The following WDR47 variants were observed in gnomAD, a reference collection of about 807,000 sequenced individuals.
The protein encoded by WDR47 is WD repeat-containing protein 47.
Under a neutral mutation model 97.2 loss-of-function variants are expected in WDR47, and 32 were observed. The observed-to-expected ratio is 0.33, with a 90% CI of 0.25 to 0.44. The LOEUF (loss-of-function observed/expected upper bound fraction) is 0.44, where lower values mean the gene tolerates loss of function less well. WDR47 is among the 20% of genes least tolerant of loss of function. WDR47 has a pLI of 1.00. For synonymous variants in WDR47, 375 were observed against 373.5 expected, an observed-to-expected ratio of 1.00 and a Z score of -0.05; for missense variants, 782 against 1,102.3, an observed-to-expected ratio of 0.71 and a Z score of 4.11.
chr1:108,983,223 G>A (rs923719620), intron 11 of WDR47, 59 bp downstream of exon 11: 1 of 1,412,200 alleles, frequency 7.1e-7, no homozygotes, highest in Non-Finnish European at 9.4e-7. Context: ...AATACAACAT[G>A]GAGAAAACAT....
chr1:108,989,653 G>A (rs1331282698), intron 9 of WDR47, among the ~76,000 whole-genome samples: 2 of 152,182 alleles, frequency 1.3e-5, no homozygotes, highest in African/African-American at 4.8e-5. Context: ...TTGCTTTATA[G>A]CAGAAGCCAC....
intron 14 of WDR47, among the ~76,000 whole-genome samples, chr1:108,972,499 A>G (rs1232965929): frequency 6.6e-6 from 1 of 152,140 alleles, no homozygotes; most frequent in African/African-American, 2.4e-5. Flanking sequence ...ATAGCCCACC[A>G]ACTATAATAA....
intron 7 of WDR47, among the ~76,000 whole-genome samples, chr1:108,998,165 G>A (rs1362914226): frequency 1.3e-5 from 2 of 152,040 alleles, no homozygotes; most frequent in Admixed American, 1.3e-4. Flanking sequence ...GGGATGTGAG[G>A]TCAAATAAAT....
Position 109,030,928 on chromosome 1 carries a change from T to C in WDR47, c.-9-7407A>G, listed in dbSNP as rs1321635371. Among the ~76,000 whole-genome samples, 4 of 139,544 alleles carry C rather than the reference T, an allele frequency of 2.9e-5. 1 individual carries two copies. The highest frequency in any genetic ancestry group is 1.0e-4 in the African/African-American group (4 of 38,900). 91.5% of individuals were successfully genotyped at this position (139,544 alleles called of 152,430 possible). On this transcript the variant is annotated intron_variant, in intron 1 of 14. Transcript: ENST00000369962. ...CTATGGGCCTCAATTTCTTCATTCATAAAGTAAGGGGATTCGTTTGTCTAA... is the reference window on the plus strand; with the variant it reads ...CTATGGGCCTCAATTTCTTCATTCACAAAGTAAGGGGATTCGTTTGTCTAA...
chr1:109,008,560 G>T (rs1461708528), intron 5 of WDR47, among the ~76,000 whole-genome samples: 1 of 151,324 alleles, frequency 6.6e-6, no homozygotes, highest in Non-Finnish European at 1.5e-5. Flanking sequence ...ATCGCGCCGG[G>T]CCTCATCCTG....
intron 3 of WDR47, among the ~76,000 whole-genome samples, chr1:109,015,605 G>A (rs921451041): frequency 2.6e-4 from 39 of 151,828 alleles, no homozygotes; most frequent in Non-Finnish European, 5.0e-4. Context: ...TGGGATTACA[G>A]GCGTGAGCCA....
intron 5 of WDR47, among the ~76,000 whole-genome samples, chr1:109,010,208 C>G (rs1445607177): frequency 6.6e-6 from 1 of 151,946 alleles, no homozygotes; most frequent in Non-Finnish European, 1.5e-5. Context: ...AAATTTTAAA[C>G]CTTTACTAAA....
intron 4 of WDR47, among the ~76,000 whole-genome samples, chr1:109,013,160 G>A (rs939553340): frequency 6.6e-6 from 1 of 152,152 alleles, no homozygotes; most frequent in African/African-American, 2.4e-5. Context: ...CCATGAACCA[G>A]AGCACAGGCC....
intron 2 of WDR47, among the ~76,000 whole-genome samples, chr1:109,021,973 G>A (rs1299009823): frequency 1.3e-5 from 2 of 150,742 alleles, no homozygotes; most frequent in African/African-American, 4.9e-5. Flanking sequence ...TTAGCCTCTC[G>A]AGTAGCTGGG....
chr1:109,004,453 A>G, intron 6 of WDR47, 139 bp downstream of exon 6: 1 of 1,081,400 alleles, frequency 9.2e-7, no homozygotes, highest in Non-Finnish European at 1.2e-6. Context: ...AGGAGAGAAA[A>G]TAAGCTAATA....
chr1:109,021,332 A>G (rs542355191), intron 2 of WDR47, among the ~76,000 whole-genome samples: 2 of 152,236 alleles, frequency 1.3e-5, no homozygotes, highest in Admixed American at 1.3e-4. Context: ...GTTTGAGACC[A>G]GCCTTGCCAA....
intron 1 of WDR47, among the ~76,000 whole-genome samples, chr1:109,029,171 T>C (rs563775906): frequency 4.6e-4 from 70 of 152,266 alleles, no homozygotes; most frequent in African/African-American, 1.6e-3. Context: ...AAGGATGTAT[T>C]AAAGGGTTAG....
chr1:109,009,998 CA>C (rs113769846), intron 5 of WDR47, among the ~76,000 whole-genome samples: 2 of 143,682 alleles, frequency 1.4e-5, no homozygotes, highest in Admixed American at 7.0e-5. Flanking sequence ...AACTCCATCT[CA>C]AAAAAAAACA....
At chr1:108,994,830 T>A (rs1381036684) in intron 8 of WDR47, among the ~76,000 whole-genome samples, 1 of 152,030 alleles carries the variant, frequency 6.6e-6, no homozygotes, top group African/African-American at 2.4e-5. Context: ...AGTAAAAAAA[T>A]AAAAATTCAG....
intron 2 of WDR47, among the ~76,000 whole-genome samples, chr1:109,020,992 T>TC (rs1661798460): frequency 6.6e-6 from 1 of 152,042 alleles, no homozygotes; most frequent in African/African-American, 2.4e-5. Context: ...GAGGAACACT[T>TC]CATTTCTTGA....
intron 12 of WDR47, 22 bp from the exon 13 acceptor site, chr1:108,981,886 A>C: frequency 2.5e-6 from 4 of 1,604,138 alleles, no homozygotes; most frequent in Non-Finnish European, 2.6e-6. Context: ...CATATACTCA[A>C]TTATTAAGGT....
chr1:109,024,829 T>G (rs1190999885), intron 1 of WDR47: 1 of 152,030 alleles, frequency 6.6e-6, no homozygotes, highest in South Asian at 2.1e-4. Flanking sequence ...TGCAGAAACA[T>G]AAACATACAC....
intron 5 of WDR47, among the ~76,000 whole-genome samples, chr1:109,008,041 G>A (rs1018823550): frequency 1.3e-5 from 2 of 151,782 alleles, no homozygotes; most frequent in Admixed American, 1.3e-4. Flanking sequence ...GGCAGAGGTT[G>A]CAGTGAGCCG....
At position 108,995,592 on chromosome 1, in the gene WDR47, C is replaced by A. The variant is rs761278688; in HGVS notation, c.1679G>T (p.Cys560Phe). ...GTCAAGCACTTACATTTGGCTTCCA[C>A]AAGGTGATTCCTCCAGAAAAGGTAT... ...NHIPFLEESP[C>F]GSQISSEHSV... The change falls in exon 8 of 15, where the codon TGT becomes TTT. Residue 560 changes from cysteine to phenylalanine, a missense_variant. Transcript: ENST00000369962. The A allele has an allele frequency of 5.0e-6, 8 of 1,613,948 alleles. No individual in the cohort carries two copies. In the Admixed American group the frequency reaches 5.0e-5, roughly 10 times the overall value.
Sources: gnomAD v4.1 joint callset for allele counts (sites outside exome capture counted in the v4.1 genomes callset) on GRCh38, gnomAD v4.1.1 for gene constraint, MANE v1.5 for transcripts, NCBI Gene and HGNC (gene_info 2026-07-23, HGNC 2026-07-21) for gene names.